PSMG2: variants seen among roughly 807,000 people sequenced by gnomAD.
PSMG2 encodes CD40 ligand-activated specific transcript 3.
Under a neutral mutation model 31.5 loss-of-function variants are expected in PSMG2, and 21 were observed. The observed-to-expected ratio is 0.67, with a 90% CI of 0.47 to 0.96. PSMG2 has a LOEUF of 0.96. PSMG2 is among the 40% of genes least tolerant of loss of function. The pLI is 0.00. For missense variants in PSMG2, 318 were observed against 321.2 expected (o/e 0.99, Z 0.08); for synonymous variants, 120 against 110.4 (o/e 1.09, Z -0.54).
chr18:12,698,780 A>G (rs1719752203), upstream of PSMG2: 2 of 568,680 alleles, frequency 3.5e-6, no homozygotes, highest in Admixed American at 3.3e-5. Flanking sequence ...GTCAAAAAAT[A>G]ATATCCAGGG....
intron 1 of PSMG2, chr18:12,670,667 T>A (rs138009060): frequency 1.5e-5 from 1 of 67,906 alleles, no homozygotes; most frequent in African/African-American, 6.2e-5. Context: ...TTAACTTTTT[T>A]AAAAAGTTTT....
chr18:12,711,241 C>T (rs950617462), intron 2 of PSMG2, among the ~76,000 whole-genome samples: 1 of 150,294 alleles, frequency 6.7e-6, no homozygotes, highest in Non-Finnish European at 1.5e-5. Context: ...CACTGCACTT[C>T]AGCCTGGGTG....
At chr18:12,709,283 G>C (rs1363035986) in intron 2 of PSMG2, among the ~76,000 whole-genome samples, 1 of 151,616 alleles carries the variant, frequency 6.6e-6, no homozygotes, top group Admixed American at 6.6e-5. Flanking sequence ...CTGACCTCGT[G>C]ATCTGCCTGC....
intron 3 of PSMG2, among the ~76,000 whole-genome samples, chr18:12,716,192 C>G (rs958126376): frequency 6.6e-6 from 1 of 152,140 alleles, no homozygotes; most frequent in Non-Finnish European, 1.5e-5. Context: ...ATGAATAGTG[C>G]TGCTAAGATT....
At chr18:12,695,963 G>A (rs1287542760) in intron 1 of PSMG2, among the ~76,000 whole-genome samples, 1 of 151,896 alleles carries the variant, frequency 6.6e-6, no homozygotes, top group East Asian at 1.9e-4. Context: ...TACAGGCTGA[G>A]TAGAAATTTT....
At position 12,720,672 on chromosome 18, in the gene PSMG2, C is replaced by G. The variant is rs2040422557; in HGVS notation, c.570C>G (p.Leu190=). ...RIPGGGITKT[L]YDESCSKEIQ... is the part of the protein sequence containing the mutation. ...CGGGAGGAGGTATCACAAAAACACT[C>G]TATGATGAAAGGTGAGTTTGTTTGC... Residue 190 remains leucine (L), a synonymous_variant, in exon 5 of 7, where the codon CTC becomes CTG. Coordinates refer to ENST00000317615, the MANE Select transcript of PSMG2 (RefSeq NM_020232.5). 3 of 1,607,436 alleles carry G rather than the reference C, an allele frequency of 1.9e-6. No individual in the cohort carries two copies. Among genetic ancestry groups the G allele is most frequent in the South Asian group, 2.2e-5 (2 of 89,974 alleles).
At chr18:12,705,755 G>A (rs2040262483) in intron 1 of PSMG2, among the ~76,000 whole-genome samples, 1 of 152,092 alleles carries the variant, frequency 6.6e-6, no homozygotes, top group South Asian at 2.1e-4. Flanking sequence ...CCAGATCTCT[G>A]TACGGCTGTC....
rs151099015 is a variant in PSMG2, at chr18:12,664,125, A to G, written c.-37+5352A>G. On this transcript the variant is annotated intron_variant, in intron 1 of 6. Transcript: ENST00000585331. ...GGTTGCGGTGAGCCGAGATCGTGCC[A>G]TTGCACTCCAGTCTGGGCAACCAGA... Among the ~76,000 whole-genome samples the G allele has an allele frequency of 7.9e-5, 12 of 152,048 alleles. No individual in the cohort carries two copies. In the East Asian group the frequency reaches 2.3e-3, roughly 30 times the overall value.
intron 1 of PSMG2, among the ~76,000 whole-genome samples, chr18:12,664,593 C>T (rs1417848172): frequency 6.6e-6 from 1 of 152,000 alleles, no homozygotes; most frequent in Non-Finnish European, 1.5e-5. Context: ...GTCTGCTGCC[C>T]AAGCTGGTCT....
Position 12,661,385 on chromosome 18 carries a change from C to A in PSMG2, c.-37+2612C>A, listed in dbSNP as rs1414222663. On this transcript the variant is annotated intron_variant, in intron 1 of 6. Coordinates refer to the PSMG2 transcript ENST00000585331. ...ACTCTGAAAGTGACTGCTGACCACT[C>A]AAAGGCTACCAGCCATTGATATCTT... 5.9e-5 allele frequency: 58 copies of A among 982,644 alleles called. No homozygotes were observed. In the South Asian group the frequency reaches 2.2e-3, roughly 37 times the overall value. The allele number at this position is 982,644 out of a possible 1,614,324, so 60.9% of individuals were successfully genotyped here.
In PSMG2 at chr18:12,724,495, G is replaced by A; in HGVS notation, c.582-4G>A. ...ATACTGATTCTTATTTTTATTTCTT[G>A]TAGCTGTTCTAAAGAAATCCAAATG... On this transcript the variant is annotated splice_region_variant and splice_polypyrimidine_tract_variant and intron_variant, in intron 5 of 6. Coordinates refer to ENST00000317615, the MANE Select transcript of PSMG2 (RefSeq NM_020232.5). The A allele has an allele frequency of 2.5e-6, 4 of 1,592,326 alleles. No homozygotes were observed. The highest frequency in any genetic ancestry group is 3.4e-6 in the Non-Finnish European group (4 of 1,171,784).
chr18:12,674,779 A>C (rs767762009), intron 1 of PSMG2: 3 of 1,457,194 alleles, frequency 2.1e-6, no homozygotes, highest in Non-Finnish European at 2.8e-6. Flanking sequence ...AGAAAAAGAA[A>C]AAGTGAAATA....
intron 1 of PSMG2, chr18:12,697,242 A>C: frequency 6.2e-7 from 1 of 1,613,382 alleles, no homozygotes; most frequent in East Asian, 2.2e-5. Flanking sequence ...TAAGTTCCAC[A>C]GTCAGACTGG....
At chr18:12,704,324 G>A (rs948287217) in intron 1 of PSMG2, among the ~76,000 whole-genome samples, 1 of 152,172 alleles carries the variant, frequency 6.6e-6, no homozygotes, top group Non-Finnish European at 1.5e-5. Flanking sequence ...GATGGCTCAT[G>A]CCTGTAATCC....
At chr18:12,668,733 C>CTT (rs1568005215) in intron 1 of PSMG2, among the ~76,000 whole-genome samples, 1 of 124,640 alleles carries the variant, frequency 8.0e-6, no homozygotes, top group Non-Finnish European at 1.7e-5. Flanking sequence ...ACACTTTATT[C>CTT]CTTTTTTTTT....
intron 3 of PSMG2, among the ~76,000 whole-genome samples, chr18:12,714,815 C>T (rs1314630000): frequency 1.3e-5 from 2 of 152,038 alleles, no homozygotes; most frequent in African/African-American, 2.4e-5. Context: ...AAGTGATTCT[C>T]CTGCCTCAGC....
chr18:12,700,199 G>A (rs902690013), upstream of PSMG2: 18 of 202,996 alleles, frequency 8.9e-5, no homozygotes, highest in African/African-American at 4.1e-4. Flanking sequence ...TAAACTTTCT[G>A]TAAACCTTAT....
At chr18:12,688,872 T>G (rs2145057674) in intron 1 of PSMG2, among the ~76,000 whole-genome samples, 1 of 152,242 alleles carries the variant, frequency 6.6e-6, no homozygotes, top group South Asian at 2.1e-4. Flanking sequence ...CCCAGCACTT[T>G]GGGAGGCCGA....
chr18:12,677,719 A>G (rs2039193077), intron 1 of PSMG2, among the ~76,000 whole-genome samples: 1 of 152,246 alleles, frequency 6.6e-6, no homozygotes, highest in Non-Finnish European at 1.5e-5. Flanking sequence ...TCAGCCTCCC[A>G]AAGTGCTGGG....
Sources: gnomAD v4.1 joint callset for allele counts (sites outside exome capture counted in the v4.1 genomes callset) on GRCh38, gnomAD v4.1.1 for gene constraint, MANE v1.5 for transcripts, NCBI Gene and HGNC (gene_info 2026-07-23, HGNC 2026-07-21) for gene names.